AGBL4: variants seen among roughly 807,000 people sequenced by gnomAD.
The protein encoded by AGBL4 is cytosolic carboxypeptidase 6.
In AGBL4, 58 loss-of-function variants were observed where a neutral mutation model predicts 66.4. The observed-to-expected ratio is 0.87, with a 90% CI of 0.71 to 1.09. The LOEUF (loss-of-function observed/expected upper bound fraction) is 1.09. AGBL4 is among the 50% of genes least tolerant of loss of function. The pLI is 0.00. For synonymous variants in AGBL4, 234 were observed against 222.9 expected (o/e 1.05, Z -0.44); for missense variants, 579 against 631.0 (o/e 0.92, Z 0.88).
chr1:48,987,790 T>C (rs1430908893), intron 5 of AGBL4, among the ~76,000 whole-genome samples: 2 of 152,152 alleles, frequency 1.3e-5, no homozygotes, highest in Non-Finnish European at 2.9e-5. Flanking sequence ...AAAAACCTGA[T>C]GGAATCTACA....
intron 5 of AGBL4, among the ~76,000 whole-genome samples, chr1:48,933,429 A>G (rs1655196093): frequency 6.6e-6 from 1 of 152,206 alleles, no homozygotes; most frequent in Non-Finnish European, 1.5e-5. Context: ...GAAGTCAGAC[A>G]GCTGACTTTT....
intron 3 of AGBL4, among the ~76,000 whole-genome samples, chr1:49,516,947 G>A (rs981977515): frequency 6.6e-6 from 1 of 151,906 alleles, no homozygotes; most frequent in African/African-American, 2.4e-5. Flanking sequence ...TAATAAAAAC[G>A]ATAATCAAAA....
intron 3 of AGBL4, among the ~76,000 whole-genome samples, chr1:49,516,540 G>T (rs763140509): frequency 6.6e-6 from 1 of 152,004 alleles, no homozygotes; most frequent in Non-Finnish European, 1.5e-5. Flanking sequence ...AGGCAAGGTG[G>T]GGAAAAGGAA....
intron 1 of AGBL4, among the ~76,000 whole-genome samples, chr1:49,984,586 T>G (rs1314416102): frequency 1.3e-5 from 2 of 152,102 alleles, no homozygotes; most frequent in Non-Finnish European, 2.9e-5. Context: ...CCCTCCTGCT[T>G]CCAGGTGCCT....
At chr1:49,335,491 C>T (rs1480346168) in intron 3 of AGBL4, among the ~76,000 whole-genome samples, 1 of 152,078 alleles carries the variant, frequency 6.6e-6, no homozygotes, top group Non-Finnish European at 1.5e-5. Flanking sequence ...GATTTCCTAA[C>T]ACACGTAGAA....
chr1:49,262,802 T>G (rs1653330303), intron 3 of AGBL4, among the ~76,000 whole-genome samples: 2 of 152,214 alleles, frequency 1.3e-5, no homozygotes. Flanking sequence ...ATCCCATTAC[T>G]GGGTATATAC....
chr1:48,615,013 T>C (rs2148386657), intron 9 of AGBL4, among the ~76,000 whole-genome samples: 1 of 152,084 alleles, frequency 6.6e-6, no homozygotes, highest in East Asian at 1.9e-4. Flanking sequence ...GGCATGAACA[T>C]CTGAAGGCCA....
At chr1:48,721,600 G>A (rs1464553049) in intron 6 of AGBL4, among the ~76,000 whole-genome samples, 1 of 152,216 alleles carries the variant, frequency 6.6e-6, no homozygotes, top group East Asian at 1.9e-4. Flanking sequence ...AACAATCAGT[G>A]TGGGGGTGAC....
intron 4 of AGBL4, among the ~76,000 whole-genome samples, chr1:49,097,552 G>A (rs1645128324): frequency 6.6e-6 from 1 of 152,168 alleles, no homozygotes; most frequent in Admixed American, 6.6e-5. Flanking sequence ...GGACCACTGG[G>A]GAAAAGACTA....
At chr1:49,919,632 A>G (rs1571872465) in intron 1 of AGBL4, among the ~76,000 whole-genome samples, 2 of 152,118 alleles carry the variant, frequency 1.3e-5, no homozygotes, top group East Asian at 1.9e-4. Context: ...ATGGGTAGGA[A>G]GAATCAATAT....
In AGBL4 at chr1:49,666,364, G is replaced by A. The variant is rs144410468; in HGVS notation, c.282+30949C>T. On this transcript the variant is annotated intron_variant, in intron 3 of 13. Coordinates refer to ENST00000371839, the MANE Select transcript of AGBL4 (RefSeq NM_032785.4). The stretch of plus-strand genomic sequence containing the variant: ...TGGATCATTTGAGGTCAGGTGTTGC[G>A]AGACCAGCCTGGCCAACATGGTGAA... Among the ~76,000 whole-genome samples, 9 of 152,078 alleles carry A rather than the reference G, an allele frequency of 5.9e-5. No homozygotes were observed. In the East Asian group the frequency reaches 7.8e-4, roughly 13 times the overall value.
intron 1 of AGBL4, among the ~76,000 whole-genome samples, chr1:49,867,172 G>C (rs759771562): frequency 1.3e-5 from 2 of 152,008 alleles, no homozygotes; most frequent in African/African-American, 2.4e-5. Context: ...CTGCCAGCGA[G>C]TTTTCCTGTA....
intron 3 of AGBL4, among the ~76,000 whole-genome samples, chr1:49,380,751 T>A (rs1474079608): frequency 2.0e-5 from 3 of 152,146 alleles, no homozygotes; most frequent in Non-Finnish European, 4.4e-5. Context: ...GGGAAAGGAT[T>A]CCCTATTTAA....
At chr1:49,170,188 T>A (rs2148161014) in intron 4 of AGBL4, among the ~76,000 whole-genome samples, 1 of 147,406 alleles carries the variant, frequency 6.8e-6, no homozygotes, top group Non-Finnish European at 1.5e-5. Flanking sequence ...AAATTTATAT[T>A]CATATAAATA....
chr1:49,933,335 A>T (rs1322908345), intron 1 of AGBL4, among the ~76,000 whole-genome samples: 1 of 152,044 alleles, frequency 6.6e-6, no homozygotes, highest in Non-Finnish European at 1.5e-5. Flanking sequence ...AAAAATGAAG[A>T]GATAGAGGTT....
intron 3 of AGBL4, among the ~76,000 whole-genome samples, chr1:49,599,723 C>A (rs1275836592): frequency 6.6e-6 from 1 of 152,118 alleles, no homozygotes; most frequent in Non-Finnish European, 1.5e-5. Context: ...TATTTTAGAT[C>A]TTTCTCGCTT....
At chr1:48,542,812 T>C (rs1366331760) in intron 11 of AGBL4, among the ~76,000 whole-genome samples, 1 of 152,244 alleles carries the variant, frequency 6.6e-6, no homozygotes, top group Non-Finnish European at 1.5e-5. Flanking sequence ...GATGGTAGTT[T>C]CTTTTGCTGT....
intron 3 of AGBL4, among the ~76,000 whole-genome samples, chr1:49,314,064 C>T (rs1644993052): frequency 6.6e-6 from 1 of 152,116 alleles, no homozygotes; most frequent in African/African-American, 2.4e-5. Context: ...AGGAAGGGGT[C>T]CAGCTTCAGT....
At chr1:49,121,682 G>A (rs1356333202) in intron 4 of AGBL4, among the ~76,000 whole-genome samples, 1 of 152,200 alleles carries the variant, frequency 6.6e-6, no homozygotes, top group Non-Finnish European at 1.5e-5. Flanking sequence ...ACTTGAGGAG[G>A]CAGTCTGTCC....
Sources: gnomAD v4.1 joint callset for allele counts (sites outside exome capture counted in the v4.1 genomes callset) on GRCh38, gnomAD v4.1.1 for gene constraint, MANE v1.5 for transcripts, NCBI Gene and HGNC (gene_info 2026-07-23, HGNC 2026-07-21) for gene names.